SND1: variants seen among roughly 807,000 people sequenced by gnomAD.
SND1 encodes staphylococcal nuclease domain-containing protein 1.
Under a neutral mutation model 121.7 loss-of-function variants are expected in SND1, and 38 were observed. That is an observed-to-expected ratio of 0.31 (90% CI 0.24 to 0.41). The LOEUF is 0.41. Ranked by LOEUF, SND1 falls within the 10% of genes least tolerant of loss-of-function variation. The probability of loss-of-function intolerance (pLI) is 1.00; values close to 1 mark genes in which losing one functional copy is unlikely to be tolerated. For synonymous variants in SND1, 401 were observed against 447.4 expected, an observed-to-expected ratio of 0.90 and a Z score of 1.31; for missense variants, 868 against 1,184.6, an observed-to-expected ratio of 0.73 and a Z score of 3.92.
intron 10 of SND1, among the ~76,000 whole-genome samples, chr7:127,806,517 TTCC>T: frequency 6.6e-6 from 1 of 152,348 alleles, no homozygotes; most frequent in East Asian, 1.9e-4. Context: ...AACTTTAATT[TTCC>T]TCCTATTTCT....
chr7:127,847,827 G>A (rs577047042), intron 12 of SND1, among the ~76,000 whole-genome samples: 96 of 152,360 alleles, frequency 6.3e-4, no homozygotes, highest in African/African-American at 2.2e-3. Context: ...CAAGGAGACA[G>A]GAGGCAGGAC....
intron 7 of SND1, among the ~76,000 whole-genome samples, chr7:127,704,611 A>G (rs1279426926): frequency 6.6e-6 from 1 of 152,172 alleles, no homozygotes; most frequent in Non-Finnish European, 1.5e-5. Context: ...ATTATGGTGG[A>G]TATTGTGGGG....
At chr7:127,948,470 A>T (rs1422827528) in intron 15 of SND1, among the ~76,000 whole-genome samples, 2 of 152,240 alleles carry the variant, frequency 1.3e-5, no homozygotes, top group Non-Finnish European at 2.9e-5. Context: ...TGTAATCTGT[A>T]TGAGTAGGAG....
At chr7:127,891,632 C>T (rs1482492947) in intron 13 of SND1, among the ~76,000 whole-genome samples, 1 of 152,038 alleles carries the variant, frequency 6.6e-6, no homozygotes, top group Non-Finnish European at 1.5e-5. Flanking sequence ...ATTTTCTCTA[C>T]CTCCCAGCTT....
chr7:127,962,607 A>G (rs1801758970), intron 15 of SND1, among the ~76,000 whole-genome samples: 1 of 152,200 alleles, frequency 6.6e-6, no homozygotes, highest in Non-Finnish European at 1.5e-5. Flanking sequence ...TGGCTAGCAT[A>G]TAAATCTGAA....
intron 10 of SND1, among the ~76,000 whole-genome samples, chr7:127,722,775 T>C (rs1032668344): frequency 5.3e-5 from 8 of 152,164 alleles, no homozygotes; most frequent in African/African-American, 1.9e-4. Flanking sequence ...ACAGGATGGG[T>C]GATTTGAATG....
Position 127,730,274 on chromosome 7 carries a change from G to A in SND1, c.1152+8874G>A, listed in dbSNP as rs77274780. On this transcript the variant is annotated intron_variant, in intron 10 of 23. Coordinates refer to ENST00000354725, the MANE Select transcript of SND1 (RefSeq NM_014390.4). ...GAGCCACCGCGCCCAGCCTGACATT[G>A]GACAGCTCTTAGTCTCACCATCTAC... 2.3e-3 allele frequency among the ~76,000 whole-genome samples: 351 copies of A among 152,274 alleles called. 2 individuals are homozygous for A. Among genetic ancestry groups the A allele is most frequent in the African/African-American group, 8.2e-3 (339 of 41,542 alleles).
intron 12 of SND1, among the ~76,000 whole-genome samples, chr7:127,850,850 A>G (rs1409220388): frequency 6.6e-6 from 1 of 152,206 alleles, no homozygotes; most frequent in East Asian, 1.9e-4. Context: ...AGAAAGAAGT[A>G]GTTGAATAAC....
rs537149302 is a variant in SND1, at chr7:127,749,491, G to C, written c.1152+28091G>C. ...GTTAGGAATATTTATCTGTGGTGAA[G>C]AGGCTGTTGGTGGTATTAATAATGA... is the stretch of plus-strand genomic sequence containing the variant. On this transcript the variant is annotated intron_variant, in intron 10 of 23. Transcript: ENST00000354725. Among the ~76,000 whole-genome samples the C allele has an allele frequency of 1.2e-4, 19 of 152,252 alleles. No homozygotes were observed. In the East Asian group the frequency reaches 3.5e-3, roughly 28 times the overall value.
chr7:127,846,924 A>C (rs899431872), intron 12 of SND1, among the ~76,000 whole-genome samples: 1 of 151,510 alleles, frequency 6.6e-6, no homozygotes, highest in African/African-American at 2.4e-5. Flanking sequence ...TTTTCCTTTT[A>C]TCTTGCTTTT....
chr7:127,769,793 A>G (rs1797482933), intron 10 of SND1, among the ~76,000 whole-genome samples: 1 of 152,234 alleles, frequency 6.6e-6, no homozygotes. Context: ...TCCATTACAA[A>G]GGCAACTGTA....
chr7:127,780,547 G>T (rs1584567567), intron 10 of SND1, among the ~76,000 whole-genome samples: 1 of 151,534 alleles, frequency 6.6e-6, no homozygotes, highest in African/African-American at 2.4e-5. Context: ...TTGTATTTCT[G>T]TTTTCTTTGA....
intron 16 of SND1, among the ~76,000 whole-genome samples, chr7:128,063,204 A>AGGT (rs1793259633): frequency 6.6e-6 from 1 of 151,866 alleles, no homozygotes; most frequent in Non-Finnish European, 1.5e-5. Flanking sequence ...GGTGGTGAGG[A>AGGT]GGTGGTGGAT....
intron 16 of SND1, among the ~76,000 whole-genome samples, chr7:128,005,445 T>C (rs1402148013): frequency 1.3e-5 from 2 of 152,188 alleles, no homozygotes; most frequent in Non-Finnish European, 2.9e-5. Flanking sequence ...ACCCGCCCCC[T>C]TGTGTTTCTG....
intron 10 of SND1, among the ~76,000 whole-genome samples, chr7:127,738,418 A>C (rs1587631166): frequency 6.6e-6 from 1 of 150,388 alleles, no homozygotes; most frequent in East Asian, 2.0e-4. Flanking sequence ...AACTGGTATT[A>C]CAGGCACCTG....
At chr7:128,072,861 T>G (rs1221854937) in intron 16 of SND1, among the ~76,000 whole-genome samples, 1 of 152,200 alleles carries the variant, frequency 6.6e-6, no homozygotes, top group East Asian at 1.9e-4. Context: ...CCTTCTCTCC[T>G]ACAAGAGTAG....
chr7:127,782,245 A>C (rs1797736628), intron 10 of SND1, among the ~76,000 whole-genome samples: 3 of 152,136 alleles, frequency 2.0e-5, no homozygotes, highest in Admixed American at 2.0e-4. Context: ...ATCACAGTTG[A>C]GGTCTGGTTG....
At chr7:127,826,978 T>C (rs951469633) in intron 11 of SND1, among the ~76,000 whole-genome samples, 16 of 152,232 alleles carry the variant, frequency 1.1e-4, no homozygotes, top group African/African-American at 3.9e-4. Context: ...GGCTGGCCTT[T>C]CCAGACTGAA....
At chr7:128,028,919 G>A in intron 16 of SND1, 2 of 1,612,036 alleles carry the variant, frequency 1.2e-6, no homozygotes, top group Non-Finnish European at 1.7e-6. Flanking sequence ...CTGCTGGGAT[G>A]TCTTCGTCCA....
Sources: gnomAD v4.1 joint callset for allele counts (sites outside exome capture counted in the v4.1 genomes callset) on GRCh38, gnomAD v4.1.1 for gene constraint, MANE v1.5 for transcripts, NCBI Gene and HGNC (gene_info 2026-07-23, HGNC 2026-07-21) for gene names.